Variants in HS3ST5 observed in about 807,000 individuals in gnomAD.
HS3ST5 encodes heparan sulfate glucosamine 3-O-sulfotransferase 5.
A neutral mutation model predicts 25.4 loss-of-function variants in HS3ST5; 10 were observed. That is an observed-to-expected ratio of 0.39 (90% CI 0.24 to 0.67). The LOEUF (loss-of-function observed/expected upper bound fraction) is 0.67. Among genes scored for constraint, HS3ST5 ranks in the 30% least tolerant of loss-of-function variants. The pLI is 0.44. For missense variants in HS3ST5, 324 were observed against 420.7 expected, an observed-to-expected ratio of 0.77 and a Z score of 2.01; for synonymous variants, 170 against 162.4, an observed-to-expected ratio of 1.05 and a Z score of -0.36.
intron 3 of HS3ST5, among the ~76,000 whole-genome samples, chr6:114,109,927 CAT>C (rs1157583102): frequency 1.3e-5 from 2 of 152,096 alleles, no homozygotes; most frequent in Non-Finnish European, 2.9e-5. Flanking sequence ...CTGCAGAAAA[CAT>C]AAACAAAAAT....
At chr6:114,306,855 A>G (rs1775318238) in intron 1 of HS3ST5, among the ~76,000 whole-genome samples, 1 of 152,180 alleles carries the variant, frequency 6.6e-6, no homozygotes, top group Admixed American at 6.5e-5. Context: ...CAAATGCTAA[A>G]TATTTATTTC....
chr6:114,130,322 G>A (rs1044945028), intron 3 of HS3ST5, among the ~76,000 whole-genome samples: 2 of 152,148 alleles, frequency 1.3e-5, no homozygotes, highest in Non-Finnish European at 2.9e-5. Context: ...TACACAATGA[G>A]AGAGAAAAGT....
chr6:114,225,863 T>C (rs1771247856), intron 2 of HS3ST5, among the ~76,000 whole-genome samples: 1 of 151,936 alleles, frequency 6.6e-6, no homozygotes, highest in Non-Finnish European at 1.5e-5. Flanking sequence ...CCCCAAACTC[T>C]GTAAACCATC....
At chr6:114,336,566 C>T (rs553307466) in intron 1 of HS3ST5, among the ~76,000 whole-genome samples, 4 of 152,210 alleles carry the variant, frequency 2.6e-5, no homozygotes, top group East Asian at 1.9e-4. Flanking sequence ...AAGATTGTGC[C>T]GCTGCACTGC....
rs58642146 is a variant in HS3ST5 at position 114,134,011 on chromosome 6, C to T, written c.-33+34340G>A. Among the ~76,000 whole-genome samples the T allele has an allele frequency of 7.6e-3, 1,145 of 151,630 alleles. 23 individuals are homozygous for T. Among genetic ancestry groups the T allele is most frequent in the African/African-American group, 0.027 (1,105 of 41,310 alleles). On this transcript the variant is annotated intron_variant, in intron 3 of 4. Coordinates refer to ENST00000312719, the MANE Select transcript of HS3ST5 (RefSeq NM_153612.4). ...GACAGAAAGAGAGGGCGGCGGGGAG[C>T]GGTAGTGGGAGGCGGTGGCTGGAGA...
At chr6:114,294,469 G>C (rs933366475) in intron 1 of HS3ST5, among the ~76,000 whole-genome samples, 1 of 132,742 alleles carries the variant, frequency 7.5e-6, no homozygotes, top group Non-Finnish European at 1.6e-5. Context: ...TTTTTGAGAC[G>C]GAGTCTCACT....
chr6:114,070,456 C>G lies in HS3ST5; in HGVS notation c.-32-7579G>C, dbSNP rs141632717. Among the ~76,000 whole-genome samples, 59 of 152,098 alleles carry G rather than the reference C, an allele frequency of 3.9e-4. No individual in the cohort carries two copies. The East Asian group carries it at 0.011, about 28-fold the overall frequency. Reference sequence around the variant, plus strand: ...AAGGGTTTTTTTCATATTCACCAAGCCACTTATAATTAAAACTGACCAGAA... The same window carrying G: ...AAGGGTTTTTTTCATATTCACCAAGGCACTTATAATTAAAACTGACCAGAA... On this transcript the variant is annotated intron_variant, in intron 3 of 4. Coordinates refer to ENST00000312719, the MANE Select transcript of HS3ST5 (RefSeq NM_153612.4).
At chr6:114,243,336 T>C (rs1351141768) in intron 1 of HS3ST5, among the ~76,000 whole-genome samples, 3 of 152,180 alleles carry the variant, frequency 2.0e-5, no homozygotes, top group Non-Finnish European at 4.4e-5. Flanking sequence ...GAGTGGACAG[T>C]ATAGGAGATC....
At chr6:114,084,102 A>G in intron 3 of HS3ST5, 1 of 382,890 alleles carries the variant, frequency 2.6e-6, no homozygotes, top group Non-Finnish European at 4.5e-6. Flanking sequence ...TTTTTTTTTT[A>G]GAAACTGATG....
chr6:114,198,835 G>C (rs1037297581), intron 2 of HS3ST5, among the ~76,000 whole-genome samples: 5 of 151,890 alleles, frequency 3.3e-5, no homozygotes, highest in African/African-American at 1.2e-4. Context: ...ATCACAGGTT[G>C]TATGCCTAAT....
intron 3 of HS3ST5, among the ~76,000 whole-genome samples, chr6:114,067,116 T>A (rs991348775): frequency 6.6e-6 from 1 of 152,022 alleles, no homozygotes; most frequent in Non-Finnish European, 1.5e-5. Context: ...CTTTCCTATG[T>A]CTCCTCCTTC....
At chr6:114,118,853 T>G (rs998393297) in intron 3 of HS3ST5, among the ~76,000 whole-genome samples, 18 of 152,130 alleles carry the variant, frequency 1.2e-4, no homozygotes, top group African/African-American at 4.1e-4. Flanking sequence ...TGGTGTGAAA[T>G]GTGGGTCTCT....
At chr6:114,122,759 G>C (rs907499211) in intron 3 of HS3ST5, among the ~76,000 whole-genome samples, 3 of 152,160 alleles carry the variant, frequency 2.0e-5, no homozygotes, top group East Asian at 3.9e-4. Context: ...TAGGTAAAGT[G>C]TGAGGACAGA....
At chr6:114,263,794 T>C (rs1488211017) in intron 1 of HS3ST5, among the ~76,000 whole-genome samples, 2 of 152,130 alleles carry the variant, frequency 1.3e-5, no homozygotes, top group African/African-American at 4.8e-5. Context: ...AAATGTATTA[T>C]GAAGAGAGAT....
chr6:114,320,291 C>T (rs1002476371), intron 1 of HS3ST5, among the ~76,000 whole-genome samples: 9 of 152,200 alleles, frequency 5.9e-5, no homozygotes, highest in Admixed American at 1.3e-4. Flanking sequence ...GGTGCCTCAA[C>T]GCTCTAATTT....
intron 2 of HS3ST5, among the ~76,000 whole-genome samples, chr6:114,219,430 A>G: frequency 6.6e-6 from 1 of 152,186 alleles, no homozygotes; most frequent in East Asian, 1.9e-4. Flanking sequence ...CCTTTGGGAA[A>G]AGCATATGCA....
intron 1 of HS3ST5, among the ~76,000 whole-genome samples, chr6:114,256,249 G>A (rs548582181): frequency 1.9e-4 from 29 of 152,084 alleles, no homozygotes; most frequent in African/African-American, 3.4e-4. Context: ...TTAGCTGGGC[G>A]TGGTGGTGGG....
At chr6:114,251,418 G>A (rs1772653211) in intron 1 of HS3ST5, 1 of 152,174 alleles carries the variant, frequency 6.6e-6, no homozygotes, top group African/African-American at 2.4e-5. Context: ...ACCAACAGGA[G>A]AATTGGAAAG....
At chr6:114,284,502 A>C (rs562035287) in intron 1 of HS3ST5, among the ~76,000 whole-genome samples, 1 of 152,084 alleles carries the variant, frequency 6.6e-6, no homozygotes, top group Non-Finnish European at 1.5e-5. Flanking sequence ...TTGGCACAGA[A>C]AACCTTATGA....
Sources: gnomAD v4.1 joint callset for allele counts (sites outside exome capture counted in the v4.1 genomes callset) on GRCh38, gnomAD v4.1.1 for gene constraint, MANE v1.5 for transcripts, NCBI Gene and HGNC (gene_info 2026-07-23, HGNC 2026-07-21) for gene names.